Variants in SORBS2 observed in about 807,000 individuals in gnomAD.
SORBS2 encodes the protein sorbin and SH3 domain-containing protein 2.
In SORBS2, 46 loss-of-function variants were observed where a neutral mutation model predicts 97.7. The ratio of observed to expected loss-of-function variants is 0.47; its 90% CI spans 0.37 to 0.60. The LOEUF is 0.60. SORBS2 is among the 20% of genes least tolerant of loss of function. The probability of loss-of-function intolerance (pLI) is 0.00; values close to 1 mark genes in which losing one functional copy is unlikely to be tolerated. For synonymous variants in SORBS2, 476 were observed against 473.4 expected (o/e 1.01, Z -0.07); for missense variants, 1,316 against 1,282.3 (o/e 1.03, Z -0.40).
intron 2 of SORBS2, among the ~76,000 whole-genome samples, chr4:185,725,384 G>T (rs964858996): frequency 6.6e-6 from 1 of 152,160 alleles, no homozygotes; most frequent in South Asian, 2.1e-4. Context: ...TGTGGGTTCT[G>T]CCACCTACCA....
At chr4:185,595,632 G>C (rs1025928936) in intron 12 of SORBS2, among the ~76,000 whole-genome samples, 1 of 151,780 alleles carries the variant, frequency 6.6e-6, no homozygotes, top group Admixed American at 6.6e-5. Flanking sequence ...TAACTTTCCA[G>C]TCTTTTTTTC....
chr4:185,669,560 C>T (rs762258527), intron 4 of SORBS2, among the ~76,000 whole-genome samples: 3 of 151,970 alleles, frequency 2.0e-5, no homozygotes, highest in South Asian at 2.1e-4. Context: ...CATGGCCAGG[C>T]CTCAGGAGAG....
At chr4:185,769,749 G>A (rs569356219) in intron 2 of SORBS2, among the ~76,000 whole-genome samples, 33 of 152,268 alleles carry the variant, frequency 2.2e-4, no homozygotes, top group African/African-American at 7.0e-4. Context: ...CTTGGCCTCC[G>A]AAAGTGCTGG....
chr4:185,621,796 G>A (rs191804905), intron 7 of SORBS2, among the ~76,000 whole-genome samples: 1 of 152,060 alleles, frequency 6.6e-6, no homozygotes, highest in Admixed American at 6.6e-5. Context: ...AATTATTAGG[G>A]GTTTGAATCT....
At chr4:185,755,156 A>C (rs945745777) in intron 2 of SORBS2, among the ~76,000 whole-genome samples, 3 of 152,264 alleles carry the variant, frequency 2.0e-5, no homozygotes, top group African/African-American at 7.2e-5. Context: ...GATGACCAGC[A>C]TGTGTCCTGG....
chr4:185,658,873 A>T (rs2097457699), upstream of SORBS2, among the ~76,000 whole-genome samples: 1 of 151,700 alleles, frequency 6.6e-6, no homozygotes, highest in Non-Finnish European at 1.5e-5. Context: ...AATACAAACA[A>T]TTTTTTGTAT....
intron 1 of SORBS2, among the ~76,000 whole-genome samples, chr4:185,828,073 C>G (rs1022042711): frequency 8.5e-5 from 13 of 152,080 alleles, no homozygotes; most frequent in Non-Finnish European, 1.8e-4. Flanking sequence ...TAGGTTTGTT[C>G]TCTAAAAACA....
rs1339177097 is a variant in SORBS2, at chr4:185,629,630, C to T, written c.446+919G>A. Among the ~76,000 whole-genome samples the T allele has an allele frequency of 7.5e-5, 11 of 146,396 alleles. 1 individual carries two copies. Among genetic ancestry groups the T allele is most frequent in the Admixed American group, 3.5e-4 (5 of 14,260 alleles). On this transcript the variant is annotated intron_variant, in intron 5 of 14. Transcript: ENST00000418609. ...AGGCTGGAGTGCAGTGGTGCAATCT[C>T]GACTCACTGCAACCTCCACCCTCCC... is the stretch of plus-strand genomic sequence containing the variant.
At chr4:185,913,155 A>G (rs62336466) in intron 1 of SORBS2, among the ~76,000 whole-genome samples, 19,131 of 152,262 alleles carry the variant, frequency 0.13, 1,544 homozygotes, top group Non-Finnish European at 0.18. Flanking sequence ...TCTTTCATCT[A>G]TTTGGGAAAA....
At chr4:185,620,142 G>A (rs755667110) in exon 8 of SORBS2, 8 of 1,604,766 alleles carry the variant, frequency 5.0e-6, no homozygotes. Context: ...ACTTCTAGGG[G>A]ACTCACGGTC....
intron 1 of SORBS2, among the ~76,000 whole-genome samples, chr4:185,952,054 C>T (rs1183869136): frequency 3.8e-5 from 5 of 131,110 alleles, no homozygotes; most frequent in African/African-American, 1.1e-4. Flanking sequence ...TTGATAGAGT[C>T]TCACTCTGTC....
chr4:185,825,248 T>C (rs1362246735), intron 1 of SORBS2, among the ~76,000 whole-genome samples: 2 of 144,506 alleles, frequency 1.4e-5, no homozygotes, highest in African/African-American at 5.1e-5. Flanking sequence ...CATTTATAAT[T>C]TCAAAACAGT....
chr4:185,778,550 A>T (rs1465850358), intron 1 of SORBS2, among the ~76,000 whole-genome samples: 1 of 152,174 alleles, frequency 6.6e-6, no homozygotes, highest in Admixed American at 6.5e-5. Context: ...GAGAAATGAT[A>T]TGAAGTAGTG....
intron 1 of SORBS2, among the ~76,000 whole-genome samples, chr4:185,843,046 C>T (rs540990887): frequency 3.9e-5 from 6 of 151,956 alleles, no homozygotes; most frequent in African/African-American, 7.2e-5. Context: ...ATTAGGAGTC[C>T]GTACATGGGT....
intron 2 of SORBS2, chr4:185,773,036 G>C (rs191839273): frequency 6.8e-6 from 1 of 146,186 alleles, no homozygotes; most frequent in Admixed American, 7.0e-5. Context: ...AAAATTCAGG[G>C]GTGAAGAGAA....
At chr4:185,860,225 C>G (rs192384389) in intron 1 of SORBS2, among the ~76,000 whole-genome samples, 74 of 152,362 alleles carry the variant, frequency 4.9e-4, no homozygotes, top group African/African-American at 1.7e-3. Context: ...GTCTCAAAGA[C>G]TGCACCAGCT....
intron 1 of SORBS2, among the ~76,000 whole-genome samples, chr4:185,880,953 A>G (rs914368042): frequency 4.6e-5 from 7 of 152,164 alleles, no homozygotes; most frequent in Non-Finnish European, 7.4e-5. Flanking sequence ...GAGGAGAAGG[A>G]TGAAGAACAG....
At chr4:185,863,432 C>T (rs1387170240) in intron 1 of SORBS2, among the ~76,000 whole-genome samples, 2 of 152,304 alleles carry the variant, frequency 1.3e-5, no homozygotes, top group Non-Finnish European at 1.5e-5. Flanking sequence ...TCACTATCTC[C>T]AATTCAATAT....
intron 4 of SORBS2, among the ~76,000 whole-genome samples, chr4:185,668,223 AT>A (rs1376862090): frequency 2.0e-5 from 3 of 152,182 alleles, no homozygotes; most frequent in Admixed American, 1.3e-4. Flanking sequence ...TAAAATCACC[AT>A]TGTCACGGGT....
Sources: gnomAD v4.1 joint callset for allele counts (sites outside exome capture counted in the v4.1 genomes callset) on GRCh38, gnomAD v4.1.1 for gene constraint, MANE v1.5 for transcripts, NCBI Gene and HGNC (gene_info 2026-07-23, HGNC 2026-07-21) for gene names.